PLEK: variants seen among roughly 807,000 people sequenced by gnomAD.
PLEK encodes the protein pleckstrin, also known as platelet 47 kDa protein.
In PLEK, 25 loss-of-function variants were observed where a neutral mutation model predicts 43.9. The observed-to-expected ratio is 0.57, with a 90% CI of 0.41 to 0.79. PLEK has a LOEUF of 0.79. PLEK is among the 30% of genes least tolerant of loss of function. The pLI, the probability that PLEK is intolerant of heterozygous loss-of-function variation, is 0.00. For synonymous variants in PLEK, 152 were observed against 144.4 expected (o/e 1.05, Z -0.38); for missense variants, 396 against 413.3 (o/e 0.96, Z 0.36).
chr2:68,379,381 C>T (rs72894171), intron 1 of PLEK, among the ~76,000 whole-genome samples: 3,533 of 152,164 alleles, frequency 0.023, 69 homozygotes, highest in Admixed American at 0.069. Flanking sequence ...CTGACTAACC[C>T]TCCCAAGAAT....
At chr2:68,376,870 G>A (rs946335593) in intron 1 of PLEK, among the ~76,000 whole-genome samples, 1 of 152,012 alleles carries the variant, frequency 6.6e-6, no homozygotes, top group Non-Finnish European at 1.5e-5. Context: ...TATTCTTTCT[G>A]TTTTCTTGTT....
intron 4 of PLEK, among the ~76,000 whole-genome samples, chr2:68,385,892 A>G (rs1159382191): frequency 6.6e-6 from 1 of 152,098 alleles, no homozygotes; most frequent in Non-Finnish European, 1.5e-5. Context: ...TACACCCATC[A>G]TGCCCTTTTA....
chr2:68,372,348 A>T (rs1245517419), intron 1 of PLEK, among the ~76,000 whole-genome samples: 1 of 151,834 alleles, frequency 6.6e-6, no homozygotes, highest in Non-Finnish European at 1.5e-5. Flanking sequence ...TAATTTTTGT[A>T]TATTTTTAGT....
intron 5 of PLEK, 37 bp from the exon 6 acceptor site, chr2:68,388,350 A>T (rs576123669): frequency 8.1e-7 from 1 of 1,227,544 alleles, no homozygotes; most frequent in South Asian, 1.2e-5. Context: ...TGTGCCTAAG[A>T]CTGGTGATGT....
intron 6 of PLEK, among the ~76,000 whole-genome samples, chr2:68,392,794 C>A (rs1174609874): frequency 6.6e-6 from 1 of 152,172 alleles, no homozygotes; most frequent in East Asian, 1.9e-4. Context: ...TGGGCATTTG[C>A]TACTTTATAT....
intron 4 of PLEK, among the ~76,000 whole-genome samples, chr2:68,384,503 T>G (rs1282743733): frequency 2.6e-5 from 4 of 152,138 alleles, no homozygotes; most frequent in Non-Finnish European, 5.9e-5. Flanking sequence ...CTGTAATCCC[T>G]AAGATTACAG....
chr2:68,389,212 G>A (rs1009875085), intron 6 of PLEK, among the ~76,000 whole-genome samples: 4 of 152,238 alleles, frequency 2.6e-5, no homozygotes, highest in Non-Finnish European at 5.9e-5. Flanking sequence ...ACCAGTACCT[G>A]GTGGAGGAAG....
intron 1 of PLEK, among the ~76,000 whole-genome samples, chr2:68,374,843 T>A (rs548139928): frequency 1.1e-4 from 17 of 152,346 alleles, no homozygotes; most frequent in East Asian, 5.8e-4. Context: ...GTTCATTTTT[T>A]AAAAATTGCT....
At chr2:68,381,016 A>C in intron 3 of PLEK, 112 bp downstream of exon 3, 1 of 881,064 alleles carries the variant, frequency 1.1e-6, no homozygotes, top group African/African-American at 1.7e-5. Context: ...CCACTCTGCC[A>C]GGTCAATACT....
intron 1 of PLEK, among the ~76,000 whole-genome samples, chr2:68,373,041 TTC>T (rs1673439799): frequency 6.6e-6 from 1 of 152,140 alleles, no homozygotes; most frequent in Non-Finnish European, 1.5e-5. Flanking sequence ...GATCCTAAAT[TTC>T]TCTGTCATTT....
At chr2:68,391,922 C>A (rs1258973288) in intron 6 of PLEK, among the ~76,000 whole-genome samples, 1 of 152,110 alleles carries the variant, frequency 6.6e-6, no homozygotes, top group African/African-American at 2.4e-5. Context: ...ATCTGCTACA[C>A]ACTAATGGAA....
At chr2:68,395,565 A>T (rs1009399729) in intron 8 of PLEK, 115 bp from the exon 9 acceptor site, 2 of 1,057,764 alleles carry the variant, frequency 1.9e-6, no homozygotes, top group Non-Finnish European at 2.9e-6. Context: ...AAAGCCACAT[A>T]GTCAATTTCC....
intron 1 of PLEK, among the ~76,000 whole-genome samples, chr2:68,376,888 C>A (rs1209510255): frequency 1.3e-5 from 2 of 152,094 alleles, no homozygotes; most frequent in African/African-American, 4.8e-5. Flanking sequence ...GTTTTTGGTA[C>A]CCATTAACCA....
intron 8 of PLEK, among the ~76,000 whole-genome samples, chr2:68,395,180 CAT>C (rs892222304): frequency 6.0e-5 from 9 of 149,688 alleles, no homozygotes; most frequent in Admixed American, 6.7e-5. Context: ...TGTATATAAA[CAT>C]ATATATATAT....
chr2:68,394,641 A>T (rs1218839220), intron 8 of PLEK, among the ~76,000 whole-genome samples: 1 of 152,154 alleles, frequency 6.6e-6, no homozygotes, highest in Non-Finnish European at 1.5e-5. Context: ...GGGGAGTTGG[A>T]TGGCTTTGTG....
In PLEK at chr2:68,379,433, C is replaced by T. The variant is rs147275320; in HGVS notation, c.43-895C>T. Among the ~76,000 whole-genome samples, 250 of 152,010 alleles carry T rather than the reference C, an allele frequency of 1.6e-3. 1 individual carries two copies. The highest frequency in any genetic ancestry group is 5.9e-3 in the African/African-American group (243 of 41,454). On this transcript the variant is annotated intron_variant, in intron 1 of 8. Transcript: ENST00000234313. ...CCTGAAAAATGAAAACCCTTCCAACCGAACACCAATAATTATCATTTTTGT... is the reference window on the plus strand; with the variant it reads ...CCTGAAAAATGAAAACCCTTCCAACTGAACACCAATAATTATCATTTTTGT...
At chr2:68,376,698 C>T (rs939153611) in intron 1 of PLEK, among the ~76,000 whole-genome samples, 1 of 152,068 alleles carries the variant, frequency 6.6e-6, no homozygotes, top group Admixed American at 6.6e-5. Flanking sequence ...TACAGGCATG[C>T]AATGAGTAAT....
intron 8 of PLEK, 114 bp from the exon 9 acceptor site, chr2:68,395,566 G>A: frequency 9.1e-7 from 1 of 1,094,938 alleles, no homozygotes; most frequent in Non-Finnish European, 1.4e-6. Flanking sequence ...AAGCCACATA[G>A]TCAATTTCCT....
At chr2:68,387,677 C>T (rs1673774526) in intron 5 of PLEK, among the ~76,000 whole-genome samples, 5 of 152,002 alleles carry the variant, frequency 3.3e-5, no homozygotes, top group Admixed American at 3.3e-4. Context: ...GATCAGAGCA[C>T]AGAATTTAGG....
Sources: allele counts gnomAD v4.1 joint callset (sites outside exome capture counted in the v4.1 genomes callset), GRCh38; gene constraint gnomAD v4.1.1; transcripts MANE v1.5; gene names NCBI Gene and HGNC (gene_info 2026-07-23, HGNC 2026-07-21).